The following DDR2 variants were observed in gnomAD, a reference collection of about 807,000 sequenced individuals.
The protein encoded by DDR2 is discoidin domain-containing receptor 2.
In DDR2, 27 loss-of-function variants were observed where a neutral mutation model predicts 94.9. That is an observed-to-expected ratio of 0.28 (90% CI 0.21 to 0.39). The LOEUF (loss-of-function observed/expected upper bound fraction) is 0.39, where lower values mean the gene tolerates loss of function less well. Ranked by LOEUF, DDR2 falls within the 10% of genes least tolerant of loss-of-function variation. DDR2 has a pLI of 1.00. For synonymous variants in DDR2, 382 were observed against 377.2 expected (o/e 1.01, Z -0.15); for missense variants, 783 against 1,076.0 (o/e 0.73, Z 3.81).
At chr1:162,699,309 A>G (rs575422427) in intron 2 of DDR2, among the ~76,000 whole-genome samples, 36 of 152,336 alleles carry the variant, frequency 2.4e-4, no homozygotes, top group African/African-American at 8.7e-4. Flanking sequence ...AATATCGTCT[A>G]AAGGATCTAT....
chr1:162,730,074 A>C (rs906247415), intron 3 of DDR2, among the ~76,000 whole-genome samples: 34 of 151,424 alleles, frequency 2.2e-4, no homozygotes, highest in Non-Finnish European at 4.6e-4. Context: ...AAAAAAAAAA[A>C]ATCTAAATGA....
Position 162,719,079 on chromosome 1 carries a change from A to C in DDR2, c.16A>C (p.Arg6=). 6.2e-7 allele frequency: 1 copy of C among 1,613,864 alleles called. No homozygotes were observed. The highest frequency in any genetic ancestry group is 8.5e-7 in the Non-Finnish European group (1 of 1,179,798). The part of the protein sequence containing the change: MILIP[R]MLLVLFLLLP... ...ATCTTCTGAGATGATCCTGATTCCC[A>C]GAATGCTCTTGGTGCTGTTCCTGCT... The change falls in exon 3 of 18, where the codon AGA becomes CGA. Residue 6 remains arginine (R), a synonymous_variant. Transcript: ENST00000367921.
rs182261025 is a variant in DDR2, at chr1:162,733,510, T to A, written c.82+14365T>A. Among the ~76,000 whole-genome samples, 166 of 152,326 alleles carry A rather than the reference T, an allele frequency of 1.1e-3. 2 individuals are homozygous for A. The highest frequency in any genetic ancestry group is 6.8e-3 in the Middle Eastern group (2 of 294). ...TGGGCATACTGAGTCACTGAGAAAC[T>A]TTGCCTATTTTCTTAATGTGACTAT... On this transcript the variant is annotated intron_variant, in intron 3 of 17. Transcript: ENST00000367921.
intron 1 of DDR2, among the ~76,000 whole-genome samples, chr1:162,636,075 T>C (rs1656801155): frequency 6.6e-6 from 1 of 152,230 alleles, no homozygotes; most frequent in South Asian, 2.1e-4. Context: ...ATTATATTTG[T>C]ATATGTTTAA....
intron 1 of DDR2, among the ~76,000 whole-genome samples, chr1:162,645,065 G>A (rs1338631978): frequency 6.6e-6 from 1 of 152,154 alleles, no homozygotes; most frequent in East Asian, 1.9e-4. Context: ...AATGGCCAAG[G>A]GCCTTATGGA....
intron 9 of DDR2, 80 bp from the exon 10 acceptor site, chr1:162,765,921 C>T: frequency 1.6e-6 from 2 of 1,270,344 alleles, no homozygotes; most frequent in Admixed American, 1.7e-5. Flanking sequence ...TTGTAATGTG[C>T]TAGGTCACAA....
chr1:162,775,405 G>A (rs1008993886), intron 14 of DDR2, among the ~76,000 whole-genome samples: 1 of 152,134 alleles, frequency 6.6e-6, no homozygotes, highest in Non-Finnish European at 1.5e-5. Flanking sequence ...AGATGTGAGG[G>A]ATAGAAATGT....
intron 3 of DDR2, among the ~76,000 whole-genome samples, chr1:162,750,980 T>C (rs938596101): frequency 6.6e-6 from 1 of 152,166 alleles, no homozygotes; most frequent in Admixed American, 6.5e-5. Context: ...CCTTACACCT[T>C]ATACAAAAAT....
chr1:162,753,783 G>T (rs1033505571), intron 4 of DDR2, among the ~76,000 whole-genome samples: 1 of 152,102 alleles, frequency 6.6e-6, no homozygotes, highest in African/African-American at 2.4e-5. Flanking sequence ...ACTCCCTACT[G>T]CTCTACTGGT....
At chr1:162,751,130 G>A (rs1424441962) in intron 3 of DDR2, among the ~76,000 whole-genome samples, 8 of 152,126 alleles carry the variant, frequency 5.3e-5, no homozygotes, top group Non-Finnish European at 1.2e-4. Flanking sequence ...GGCAACAAAA[G>A]CCAAAATTGA....
intron 9 of DDR2, among the ~76,000 whole-genome samples, chr1:162,765,657 A>G (rs1663953430): frequency 6.6e-6 from 1 of 151,536 alleles, no homozygotes; most frequent in South Asian, 2.1e-4. Flanking sequence ...TTGCCCATTT[A>G]CCCGCTATAT....
chr1:162,756,910 G>A (rs1271335070), intron 7 of DDR2, among the ~76,000 whole-genome samples: 1 of 152,158 alleles, frequency 6.6e-6, no homozygotes, highest in Non-Finnish European at 1.5e-5. Flanking sequence ...AATTTAATAA[G>A]CCTTTGTTAA....
intron 2 of DDR2, among the ~76,000 whole-genome samples, chr1:162,687,564 C>T (rs532161944): frequency 2.0e-4 from 30 of 152,250 alleles, no homozygotes; most frequent in African/African-American, 6.7e-4. Context: ...AGGAAAAGAG[C>T]TCTAATGTTG....
chr1:162,761,064 G>T (rs1041049712), intron 8 of DDR2, 147 bp from the exon 9 acceptor site: 1 of 1,174,730 alleles, frequency 8.5e-7, no homozygotes, highest in Non-Finnish European at 1.2e-6. Context: ...AATGTACCTA[G>T]GAGGAAGCAG....
chr1:162,632,165 G>A (rs1304827967), upstream of DDR2: 5 of 152,180 alleles, frequency 3.3e-5, no homozygotes, highest in Admixed American at 3.3e-4. Context: ...GTCTTAGATG[G>A]AGGGGAAGGA....
rs531538134 is a variant in DDR2 at position 162,741,159 on chromosome 1, GAATATAATAT to G, written c.83-11918_83-11909del. 5.7e-3 allele frequency among the ~76,000 whole-genome samples: 805 copies of G among 141,440 alleles called. 9 individuals carry two copies. Among genetic ancestry groups the G allele is most frequent in the African/African-American group, 0.021 (766 of 37,110 alleles). 92.8% of individuals were successfully genotyped at this position (141,440 alleles called of 152,430 possible). On this transcript the variant is annotated intron_variant, in intron 3 of 17. Transcript: ENST00000367921. ...CAGATTTCAGAATTCTTGGACTTTG[GAATATAATAT>G]AATATAATATAATATAACATAACAT...
intron 3 of DDR2, among the ~76,000 whole-genome samples, chr1:162,741,268 A>AATG (rs1558057653): frequency 0.071 from 5,494 of 77,358 alleles, 233 homozygotes; most frequent in Middle Eastern, 0.1. Context: ...GTAATGTAAT[A>AATG]TAATATAATA....
chr1:162,778,804 C>G (rs2102207868), intron 17 of DDR2, 75 bp downstream of exon 17: 1 of 1,589,894 alleles, frequency 6.3e-7, no homozygotes. Context: ...CCTGCCTTAG[C>G]AGGAGTGGGC....
intron 3 of DDR2, among the ~76,000 whole-genome samples, chr1:162,749,880 C>A (rs1003119132): frequency 2.0e-5 from 3 of 152,156 alleles, no homozygotes. Context: ...AAACCTAATC[C>A]GTCATATAAA....
Sources: allele counts gnomAD v4.1 joint callset (sites outside exome capture counted in the v4.1 genomes callset), GRCh38; gene constraint gnomAD v4.1.1; transcripts MANE v1.5; gene names NCBI Gene and HGNC (gene_info 2026-07-23, HGNC 2026-07-21).